The following MACIR variants were observed in gnomAD, a reference collection of about 807,000 sequenced individuals.
MACIR encodes macrophage immunometabolism regulator.
Under a neutral mutation model 14.3 loss-of-function variants are expected in MACIR, and 4 were observed. The observed-to-expected ratio is 0.28, with a 90% CI of 0.14 to 0.64. The LOEUF (loss-of-function observed/expected upper bound fraction) is 0.64. MACIR is among the 30% of genes least tolerant of loss of function. The probability of loss-of-function intolerance (pLI) is 0.83; values close to 1 mark genes in which losing one functional copy is unlikely to be tolerated. For synonymous variants in MACIR, 101 were observed against 102.4 expected, an observed-to-expected ratio of 0.99 and a Z score of 0.08; for missense variants, 228 against 257.6, an observed-to-expected ratio of 0.89 and a Z score of 0.79.
intron 1 of MACIR, among the ~76,000 whole-genome samples, chr5:103,261,867 T>C (rs1269888211): frequency 6.6e-6 from 1 of 152,096 alleles, no homozygotes; most frequent in Non-Finnish European, 1.5e-5. Context: ...TTTCATAATA[T>C]AAACTTTAAT....
chr5:103,271,133 A>C (rs782170550), intron 2 of MACIR, among the ~76,000 whole-genome samples: 1 of 152,154 alleles, frequency 6.6e-6, no homozygotes, highest in African/African-American at 2.4e-5. Context: ...AATGAACTCT[A>C]TATATAGGAA....
chr5:103,274,696 G>A (rs1805256830), intron 2 of MACIR, among the ~76,000 whole-genome samples: 1 of 151,564 alleles, frequency 6.6e-6, no homozygotes, highest in Non-Finnish European at 1.5e-5. Context: ...GATTTTAAAT[G>A]AATACCCAAA....
At chr5:103,259,543 C>T (rs1417078838) in intron 1 of MACIR, 1 of 152,194 alleles carries the variant, frequency 6.6e-6, no homozygotes, top group Non-Finnish European at 1.5e-5. Context: ...GTGCGACTGC[C>T]CGGGTCAGAT....
intron 1 of MACIR, among the ~76,000 whole-genome samples, chr5:103,263,945 A>G (rs187714767): frequency 2.0e-5 from 3 of 152,184 alleles, no homozygotes; most frequent in Admixed American, 6.5e-5. Flanking sequence ...AGGATTTTGT[A>G]TAAGACTTTC....
intron 2 of MACIR, among the ~76,000 whole-genome samples, chr5:103,267,507 GTAAA>G (rs1804969382): frequency 6.6e-6 from 1 of 152,162 alleles, no homozygotes; most frequent in Admixed American, 6.5e-5. Context: ...AGATATATGT[GTAAA>G]TAAATCGACA....
chr5:103,258,520 A>G (rs894403460), upstream of MACIR, among the ~76,000 whole-genome samples: 37 of 151,798 alleles, frequency 2.4e-4, no homozygotes, highest in Non-Finnish European at 4.4e-5. Flanking sequence ...ACCACCAGTC[A>G]ACAACCCCGC....
intron 2 of MACIR, among the ~76,000 whole-genome samples, chr5:103,272,275 T>C (rs1554237181): frequency 6.6e-6 from 1 of 152,154 alleles, no homozygotes; most frequent in African/African-American, 2.4e-5. Flanking sequence ...TGTCTTTCAG[T>C]AAGAAATTTT....
At chr5:103,259,602 T>A (rs566934111) in intron 1 of MACIR, 2 of 152,352 alleles carry the variant, frequency 1.3e-5, no homozygotes, top group African/African-American at 2.4e-5. Flanking sequence ...ACCCTCCTCG[T>A]CCTGGTTGCA....
intron 2 of MACIR, among the ~76,000 whole-genome samples, chr5:103,269,149 A>C (rs1554236931): frequency 1.3e-5 from 2 of 152,126 alleles, no homozygotes; most frequent in African/African-American, 4.8e-5. Context: ...TTGAGGCTGC[A>C]GTGAGCTATC....
At chr5:103,275,713 C>A (rs1283267608) in intron 2 of MACIR, among the ~76,000 whole-genome samples, 184 bp from the exon 3 acceptor site, 1 of 152,128 alleles carries the variant, frequency 6.6e-6, no homozygotes, top group Non-Finnish European at 1.5e-5. Flanking sequence ...TTCTTAAAGG[C>A]AGAGAGGTAT....
rs1554237951 is a variant in MACIR, at chr5:103,277,867, G to A, written c.*1327G>A. ...AGCACAGAACTGCTTTTTATTTTGG[G>A]GTCTGTGAGTTTCTTAGGTATTAGC... On this transcript the variant is annotated 3_prime_UTR_variant, in exon 3 of 3. Transcript: ENST00000319933. 2.4e-5 allele frequency: 4 copies of A among 166,944 alleles called. No homozygotes were observed. 10.3% of individuals were successfully genotyped at this position (166,944 alleles called of 1,614,324 possible).
intron 2 of MACIR, among the ~76,000 whole-genome samples, chr5:103,269,944 A>T (rs958767858): frequency 3.9e-5 from 6 of 152,214 alleles, no homozygotes; most frequent in African/African-American, 1.4e-4. Context: ...AAATTTCTTT[A>T]AAGAGGTATC....
chr5:103,274,194 G>A (rs893947887), intron 2 of MACIR, among the ~76,000 whole-genome samples: 3 of 152,078 alleles, frequency 2.0e-5, no homozygotes, highest in Non-Finnish European at 2.9e-5. Flanking sequence ...ATTCGACTCC[G>A]AGTAAATATT....
rs2149937159 is a variant in MACIR, at chr5:103,277,734, T to C, written c.*1194T>C. 6.0e-6 allele frequency: 1 copy of C among 167,022 alleles called. No individual in the cohort carries two copies. The highest frequency in any genetic ancestry group is 2.4e-5 in the African/African-American group (1 of 41,526). 10.3% of individuals were successfully genotyped at this position (167,022 alleles called of 1,614,324 possible). A position where few individuals can be genotyped will look rare whatever the true frequency, so the allele number is the denominator to read the frequency against. ...ACAGCTCAACTATTCTTGAATATAT[T>C]TTGAAAAAAAAATGTATGTAACTTA... On this transcript the variant is annotated 3_prime_UTR_variant, in exon 3 of 3. Coordinates refer to ENST00000319933, the MANE Select transcript of MACIR (RefSeq NM_033211.4).
chr5:103,272,638 T>C (rs144558383), intron 2 of MACIR, among the ~76,000 whole-genome samples: 223 of 152,290 alleles, frequency 1.5e-3, no homozygotes, highest in African/African-American at 4.8e-3. Flanking sequence ...ATATTTGACA[T>C]TGAGGGCTGT....
At chr5:103,263,877 G>C (rs375637) in intron 1 of MACIR, among the ~76,000 whole-genome samples, 1 of 151,702 alleles carries the variant, frequency 6.6e-6, no homozygotes, top group Non-Finnish European at 1.5e-5. Context: ...TTTTTCTGTC[G>C]CATAATTTAT....
At chr5:103,275,379 A>G (rs1554237538) in intron 2 of MACIR, among the ~76,000 whole-genome samples, 1 of 152,206 alleles carries the variant, frequency 6.6e-6, no homozygotes, top group African/African-American at 2.4e-5. Flanking sequence ...AGCTCAATCA[A>G]CTTTATTATA....
At chr5:103,267,773 T>A (rs1804980170) in intron 2 of MACIR, among the ~76,000 whole-genome samples, 1 of 152,208 alleles carries the variant, frequency 6.6e-6, no homozygotes, top group South Asian at 2.1e-4. Flanking sequence ...TACGGTTTGA[T>A]GCATTTTGAC....
intron 1 of MACIR, among the ~76,000 whole-genome samples, chr5:103,261,233 G>T (rs557219714): frequency 1.3e-5 from 2 of 151,792 alleles, no homozygotes; most frequent in African/African-American, 2.4e-5. Context: ...AAGGTTAATG[G>T]TTTGTTTGTA....
Sources: allele counts gnomAD v4.1 joint callset (sites outside exome capture counted in the v4.1 genomes callset), GRCh38; gene constraint gnomAD v4.1.1; transcripts MANE v1.5; gene names NCBI Gene and HGNC (gene_info 2026-07-23, HGNC 2026-07-21).